Variants in HPR observed in about 807,000 individuals in gnomAD.
The protein encoded by HPR is Haptoglobin-related locus.
A neutral mutation model predicts 18.5 loss-of-function variants in HPR; 17 were observed. That is an observed-to-expected ratio of 0.92 (90% CI 0.63 to 1.38). The LOEUF is 1.38. Among genes scored for constraint, HPR ranks in the 40% most tolerant of loss-of-function variants. The probability of loss-of-function intolerance (pLI) is 0.00; values close to 1 mark genes in which losing one functional copy is unlikely to be tolerated. For synonymous variants in HPR, 176 were observed against 165.0 expected (o/e 1.07, Z -0.51); for missense variants, 457 against 432.4 (o/e 1.06, Z -0.51).
rs117660239 is a variant in HPR, at chr16:72,075,993, T to A, written c.269-310T>A. ...TCTGGCCCCTAGCCCTTTCAATGAATTTCAGGGAATTGTGAAAATTCCTTT... is the reference window on the plus strand; with the variant it reads ...TCTGGCCCCTAGCCCTTTCAATGAAATTCAGGGAATTGTGAAAATTCCTTT... On this transcript the variant is annotated intron_variant, in intron 4 of 4. Transcript: ENST00000540303. Among the ~76,000 whole-genome samples the A allele has an allele frequency of 8.2e-3, 1,252 of 152,166 alleles. 10 individuals carry two copies. The highest frequency in any genetic ancestry group is 0.011 in the Non-Finnish European group (738 of 68,000).
chr16:72,069,304 C>T (rs554427065), intron 1 of HPR, among the ~76,000 whole-genome samples: 1 of 152,206 alleles, frequency 6.6e-6, no homozygotes, highest in South Asian at 2.1e-4. Flanking sequence ...CTTCAGTTGC[C>T]AGAAGAAATA....
At chr16:72,067,267 G>A (rs777636432) in intron 1 of HPR, among the ~76,000 whole-genome samples, 3 of 152,232 alleles carry the variant, frequency 2.0e-5, no homozygotes, top group South Asian at 2.1e-4. Flanking sequence ...ATTTTTGGTT[G>A]ATTCAGGAGC....
At chr16:72,065,813 T>C (rs982544581) in intron 1 of HPR, among the ~76,000 whole-genome samples, 8 of 152,162 alleles carry the variant, frequency 5.3e-5, no homozygotes, top group Non-Finnish European at 1.2e-4. Context: ...GCATCTCAAA[T>C]TGAGAAGTCA....
chr16:72,075,302 C>G (rs1246670689), intron 4 of HPR, 83 bp downstream of exon 4: 19 of 697,734 alleles, frequency 2.7e-5, no homozygotes, highest in Non-Finnish European at 4.7e-5. Flanking sequence ...TCCAGTGCGG[C>G]TTCCTCTGAG....
chr16:72,074,031 TCTGA>T (rs1310264749), intron 2 of HPR, 54 bp downstream of exon 2: 4 of 1,606,708 alleles, frequency 2.5e-6, no homozygotes, highest in East Asian at 2.2e-5. Flanking sequence ...CACATCCCAC[TCTGA>T]CTCTCTCGGG....
At chr16:72,074,607 A>C in intron 3 of HPR, 1 of 717,396 alleles carries the variant, frequency 1.4e-6, no homozygotes, top group East Asian at 2.7e-5. Context: ...AGGTGATGCC[A>C]TGCAGCCTAC....
chr16:72,074,071 C>CAG, intron 2 of HPR, 94 bp downstream of exon 2: 1 of 1,526,836 alleles, frequency 6.5e-7, no homozygotes, highest in Non-Finnish European at 9.1e-7. Context: ...TGAGAACACA[C>CAG]AGTTCCCCAT....
At chr16:72,072,350 C>T (rs1278791476) in intron 1 of HPR, among the ~76,000 whole-genome samples, 1 of 152,174 alleles carries the variant, frequency 6.6e-6, no homozygotes, top group Non-Finnish European at 1.5e-5. Context: ...AAAGGGACAG[C>T]TGAACAATTA....
In HPR at chr16:72,073,764, G is replaced by A. The variant is rs577905396; in HGVS notation, c.6-128G>A. ...TTCTTTTCTGGCTGCTTAGTGGGAG[G>A]AGTGTGTGTGTATGCATGTGTGTGT... On this transcript the variant is annotated intron_variant, in intron 1 of 4. Coordinates refer to ENST00000540303, the MANE Select transcript of HPR (RefSeq NM_020995.4). The A allele has an allele frequency of 5.9e-5, 93 of 1,586,268 alleles. No homozygotes were observed. The African/African-American group carries it at 1.0e-3, about 18-fold the overall frequency.
At chr16:72,073,707 C>G (rs1820172772) in intron 1 of HPR, 185 bp from the exon 2 acceptor site, 11 of 1,500,004 alleles carry the variant, frequency 7.3e-6, no homozygotes, top group Non-Finnish European at 8.9e-6. Context: ...GTGGGGGCAA[C>G]TTCTTGGTCC....
At chr16:72,075,822 T>C (rs1258193160) in intron 4 of HPR, among the ~76,000 whole-genome samples, 1 of 150,474 alleles carries the variant, frequency 6.6e-6, no homozygotes, top group Non-Finnish European at 1.5e-5. Flanking sequence ...CCCTTTCTTT[T>C]TTCTTTCTTT....
At chr16:72,075,862 G>C (rs111719115) in intron 4 of HPR, among the ~76,000 whole-genome samples, 1 of 117,836 alleles carries the variant, frequency 8.5e-6, no homozygotes, top group Non-Finnish European at 1.7e-5. Flanking sequence ...ACAGAGTTTT[G>C]CTCTCGTCGC....
chr16:72,065,469 T>G (rs1284952790), intron 1 of HPR, among the ~76,000 whole-genome samples: 1 of 151,938 alleles, frequency 6.6e-6, no homozygotes, highest in Non-Finnish European at 1.5e-5. Flanking sequence ...AGACAGAGAA[T>G]AAGAAGGATG....
chr16:72,068,700 T>C (rs1266532826), intron 1 of HPR, among the ~76,000 whole-genome samples: 9 of 152,146 alleles, frequency 5.9e-5, no homozygotes, highest in African/African-American at 1.4e-4. Flanking sequence ...GTGGATGGCC[T>C]CAGTGCATCC....
intron 4 of HPR, among the ~76,000 whole-genome samples, chr16:72,075,471 A>G (rs1263924653): frequency 6.6e-6 from 1 of 152,258 alleles, no homozygotes; most frequent in Admixed American, 6.5e-5. Flanking sequence ...ACAGATCAGG[A>G]GAGCCTGTGC....
At chr16:72,074,609 G>A in intron 3 of HPR, 1 of 717,020 alleles carries the variant, frequency 1.4e-6, no homozygotes, top group Non-Finnish European at 2.6e-6. Flanking sequence ...GTGATGCCAT[G>A]CAGCCTACCT....
intron 1 of HPR, among the ~76,000 whole-genome samples, chr16:72,072,690 C>G (rs1438202198): frequency 2.0e-5 from 3 of 152,098 alleles, no homozygotes; most frequent in African/African-American, 7.2e-5. Flanking sequence ...ACCCTGTGCC[C>G]TAGGATTAAT....
intron 1 of HPR, among the ~76,000 whole-genome samples, chr16:72,066,094 A>C (rs1319189899): frequency 6.6e-6 from 1 of 152,232 alleles, no homozygotes; most frequent in Non-Finnish European, 1.5e-5. Flanking sequence ...AAGGACATTC[A>C]GAACTCCCCT....
At position 72,076,726 on chromosome 16, in the gene HPR, A is replaced by C; in HGVS notation, c.692A>C (p.Asn231Thr). The change falls in exon 5 of 5, where the codon AAC becomes ACC. Residue 231 changes from asparagine (N) to threonine (T), a missense_variant. Coordinates refer to ENST00000540303, the MANE Select transcript of HPR (RefSeq NM_020995.4). ...GTGTCTGGCTGGGGACAAAGTGACAACTTTAAACTTACTGACCATCTGAAG... is the reference window on the plus strand; with the variant it reads ...GTGTCTGGCTGGGGACAAAGTGACACCTTTAAACTTACTGACCATCTGAAG... The part of the protein sequence containing the change: ...GYVSGWGQSD[N>T]FKLTDHLKYV... 4 of 1,614,222 alleles carry C rather than the reference A, an allele frequency of 2.5e-6. No homozygotes were observed. The highest frequency in any genetic ancestry group is 3.4e-6 in the Non-Finnish European group (4 of 1,180,038).
Sources: allele counts gnomAD v4.1 joint callset (sites outside exome capture counted in the v4.1 genomes callset), GRCh38; gene constraint gnomAD v4.1.1; transcripts MANE v1.5; gene names NCBI Gene and HGNC (gene_info 2026-07-23, HGNC 2026-07-21).